TAOK1: variants seen among roughly 807,000 people sequenced by gnomAD.
TAOK1 encodes serine/threonine-protein kinase TAO1.
A neutral mutation model predicts 138.3 loss-of-function variants in TAOK1; 21 were observed. The observed-to-expected ratio is 0.15, with a 90% CI of 0.11 to 0.22. The LOEUF (loss-of-function observed/expected upper bound fraction) is 0.22. Ranked by LOEUF, TAOK1 falls within the 10% of genes least tolerant of loss-of-function variation. The pLI is 1.00. For missense variants in TAOK1, 651 were observed against 1,227.7 expected, an observed-to-expected ratio of 0.53 and a Z score of 7.02; for synonymous variants, 361 against 398.4, an observed-to-expected ratio of 0.91 and a Z score of 1.12.
intron 4 of TAOK1, among the ~76,000 whole-genome samples, chr17:29,476,949 C>T (rs987575229): frequency 6.6e-6 from 1 of 151,970 alleles, no homozygotes; most frequent in African/African-American, 2.4e-5. Flanking sequence ...AGGTTCATGC[C>T]ATTCTCCTGC....
At chr17:29,530,744 T>C in intron 18 of TAOK1, 125 bp downstream of exon 18, 1 of 772,946 alleles carries the variant, frequency 1.3e-6, no homozygotes, top group East Asian at 2.6e-5. Flanking sequence ...GGAAATGTGG[T>C]GGTGGTTCAT....
In TAOK1 at chr17:29,474,030, C is replaced by A. The variant is rs939810330; in HGVS notation, c.205-1640C>A. ...TGATTATAGGAGTGAGCTACCGTGC[C>A]GGCCTACCTTGCATTTTTATTTTAC... On this transcript the variant is annotated intron_variant, in intron 3 of 19. Transcript: ENST00000261716. Among the ~76,000 whole-genome samples, 3 of 152,202 alleles carry A rather than the reference C, an allele frequency of 2.0e-5. No individual in the cohort carries two copies. In the South Asian group the frequency reaches 6.2e-4, roughly 32 times the overall value.
rs944498247 is a variant in TAOK1, at chr17:29,510,624, A to G, written c.1576-240A>G. ...TTAAATGAAATAAAAAGTTGACAAC[A>G]TTTTTGACCCTGTAAGAGATCAACA... On this transcript the variant is annotated intron_variant, in intron 14 of 19. Coordinates refer to ENST00000261716, the MANE Select transcript of TAOK1 (RefSeq NM_020791.4). 2.0e-5 allele frequency among the ~76,000 whole-genome samples: 3 copies of G among 152,186 alleles called. No individual in the cohort carries two copies. In the South Asian group the frequency reaches 6.2e-4, roughly 32 times the overall value.
At chr17:29,482,625 C>T (rs1598500444) in intron 8 of TAOK1, among the ~76,000 whole-genome samples, 1 of 151,744 alleles carries the variant, frequency 6.6e-6, no homozygotes, top group Non-Finnish European at 1.5e-5. Context: ...GATCTGTAAG[C>T]CATTCATAAC....
chr17:29,433,962 C>T (rs1451562799), intron 1 of TAOK1, among the ~76,000 whole-genome samples: 1 of 152,140 alleles, frequency 6.6e-6, no homozygotes, highest in Non-Finnish European at 1.5e-5. Flanking sequence ...CAGAAGGGGC[C>T]ACCATCAGAG....
chr17:29,539,158 A>G (rs1567749640), intron 19 of TAOK1, among the ~76,000 whole-genome samples: 1 of 152,072 alleles, frequency 6.6e-6, no homozygotes, highest in Non-Finnish European at 1.5e-5. Context: ...GCTCCTCTGG[A>G]GGCTGAGGTG....
intron 1 of TAOK1, among the ~76,000 whole-genome samples, chr17:29,408,755 T>C (rs1905064623): frequency 6.6e-6 from 1 of 151,654 alleles, no homozygotes. Context: ...CTGTGTCACC[T>C]AGGCTGGAAT....
At chr17:29,426,708 C>A (rs1269010616) in intron 1 of TAOK1, among the ~76,000 whole-genome samples, 1 of 152,000 alleles carries the variant, frequency 6.6e-6, no homozygotes, top group Non-Finnish European at 1.5e-5. Flanking sequence ...CTTAAGAGGC[C>A]CTCATTTGTG....
At chr17:29,403,159 T>TC (rs1406643098) in intron 1 of TAOK1, among the ~76,000 whole-genome samples, 1 of 21,866 alleles carries the variant, frequency 4.6e-5, no homozygotes, top group African/African-American at 3.4e-4. Context: ...AGATTTTGTC[T>TC]CAAAAAAAAA....
chr17:29,430,381 C>CAG (rs1293826688), intron 1 of TAOK1, among the ~76,000 whole-genome samples: 1 of 152,130 alleles, frequency 6.6e-6, no homozygotes, highest in Non-Finnish European at 1.5e-5. Context: ...AGCAGCCCAC[C>CAG]AGAGGCTGAT....
At chr17:29,491,978 A>G in intron 10 of TAOK1, 113 bp downstream of exon 10, 4 of 709,470 alleles carry the variant, frequency 5.6e-6, no homozygotes, top group Non-Finnish European at 9.4e-6. Context: ...TTGACCTCCC[A>G]GGCTCAAGCG....
At chr17:29,503,336 C>T (rs753916986) in intron 13 of TAOK1, among the ~76,000 whole-genome samples, 6 of 138,278 alleles carry the variant, frequency 4.3e-5, no homozygotes, top group African/African-American at 1.6e-4. Context: ...GCAGAGCTTG[C>T]GGTGAGCAGA....
chr17:29,413,462 G>A (rs568121689), intron 1 of TAOK1, among the ~76,000 whole-genome samples: 2 of 152,086 alleles, frequency 1.3e-5, no homozygotes, highest in Non-Finnish European at 2.9e-5. Context: ...TGGGCATGGT[G>A]GCATGTGTCT....
At chr17:29,503,607 A>G (rs891137867) in intron 13 of TAOK1, among the ~76,000 whole-genome samples, 1 of 152,188 alleles carries the variant, frequency 6.6e-6, no homozygotes, top group African/African-American at 2.4e-5. Context: ...AAGTAAAACC[A>G]AAGCATGATA....
chr17:29,475,026 C>T (rs1159003673), intron 3 of TAOK1, among the ~76,000 whole-genome samples: 1 of 152,022 alleles, frequency 6.6e-6, no homozygotes, highest in East Asian at 1.9e-4. Context: ...CTGCAACCTC[C>T]ACCTCCCGTG....
intron 1 of TAOK1, among the ~76,000 whole-genome samples, chr17:29,439,249 C>CTGGA (rs1906136118): frequency 7.1e-6 from 1 of 140,768 alleles, no homozygotes; most frequent in Non-Finnish European, 1.5e-5. Context: ...CTTGCCCAGG[C>CTGGA]TGGAGTGCAG....
chr17:29,505,921 C>T (rs1285189567), intron 13 of TAOK1, among the ~76,000 whole-genome samples: 1 of 152,000 alleles, frequency 6.6e-6, no homozygotes, highest in Admixed American at 6.6e-5. Context: ...GGCAACCCAC[C>T]GACCCTGTCT....
chr17:29,523,797 C>T (rs115056259), intron 17 of TAOK1, among the ~76,000 whole-genome samples: 17 of 152,252 alleles, frequency 1.1e-4, no homozygotes, highest in African/African-American at 4.1e-4. Context: ...TCAGTAAGGT[C>T]CAGTTTCCAC....
chr17:29,503,376 A>G (rs1042105972), intron 13 of TAOK1, among the ~76,000 whole-genome samples: 1 of 137,694 alleles, frequency 7.3e-6, no homozygotes, highest in African/African-American at 2.8e-5. Flanking sequence ...ATCCTGGGCG[A>G]CAGAGCAAGA....
Sources: gnomAD v4.1 joint callset for allele counts (sites outside exome capture counted in the v4.1 genomes callset) on GRCh38, gnomAD v4.1.1 for gene constraint, MANE v1.5 for transcripts, NCBI Gene and HGNC (gene_info 2026-07-23, HGNC 2026-07-21) for gene names.